The following TENM2 variants were observed in gnomAD, a reference collection of about 807,000 sequenced individuals.
TENM2 encodes teneurin-2.
TENM2 carries 52 observed loss-of-function variants against 245.2 expected under a neutral mutation model. The ratio of observed to expected loss-of-function variants is 0.21; its 90% CI spans 0.17 to 0.27. The LOEUF (loss-of-function observed/expected upper bound fraction) is 0.27. Among genes scored for constraint, TENM2 ranks in the 10% least tolerant of loss-of-function variants. The pLI is 1.00. For synonymous variants in TENM2, 1,363 were observed against 1,438.9 expected, an observed-to-expected ratio of 0.95 and a Z score of 1.19; for missense variants, 3,046 against 3,666.8, an observed-to-expected ratio of 0.83 and a Z score of 4.37.
chr5:167,861,816 C>A (rs1321441657), intron 2 of TENM2, among the ~76,000 whole-genome samples: 2 of 152,224 alleles, frequency 1.3e-5, no homozygotes, highest in Admixed American at 6.5e-5. Flanking sequence ...CAGTCAGAAG[C>A]AAAGCAGGCC....
At chr5:167,711,911 C>G (rs1017908014) in intron 2 of TENM2, among the ~76,000 whole-genome samples, 1 of 152,200 alleles carries the variant, frequency 6.6e-6, no homozygotes, top group Non-Finnish European at 1.5e-5. Context: ...ACCAACTGAA[C>G]CTTGATCTAT....
chr5:167,508,393 C>T (rs1314005150), intron 2 of TENM2, among the ~76,000 whole-genome samples: 5 of 152,188 alleles, frequency 3.3e-5, no homozygotes, highest in Non-Finnish European at 5.9e-5. Flanking sequence ...CGCCACAGTC[C>T]TGTGATTGAA....
exon 10 of TENM2, chr5:168,118,421 A>T (rs748744244): frequency 6.2e-7 from 1 of 1,611,012 alleles, no homozygotes; most frequent in Non-Finnish European, 8.5e-7. Context: ...TGCGGGGGCC[A>T]CGGCTCCTGC....
At chr5:167,327,807 C>T (rs1406536795) in intron 1 of TENM2, among the ~76,000 whole-genome samples, 1 of 152,140 alleles carries the variant, frequency 6.6e-6, no homozygotes, top group Non-Finnish European at 1.5e-5. Context: ...TAGAGTATTG[C>T]AGGTCATGAG....
chr5:167,362,033 G>T (rs1561894289), intron 1 of TENM2, among the ~76,000 whole-genome samples: 1 of 152,040 alleles, frequency 6.6e-6, no homozygotes, highest in East Asian at 1.9e-4. Flanking sequence ...ACTCCTTTTT[G>T]ACTTTGGCTG....
At chr5:167,374,238 C>A (rs564403541) in intron 1 of TENM2, among the ~76,000 whole-genome samples, 1 of 152,268 alleles carries the variant, frequency 6.6e-6, no homozygotes, top group South Asian at 2.1e-4. Context: ...TACAAAGATA[C>A]TTGCCACTAT....
intron 7 of TENM2, among the ~76,000 whole-genome samples, chr5:168,072,886 C>A (rs1267586737): frequency 6.6e-6 from 1 of 152,144 alleles, no homozygotes; most frequent in East Asian, 1.9e-4. Context: ...AGGATGCTGG[C>A]CGACACCAAT....
At chr5:167,650,471 C>A (rs940276272) in intron 2 of TENM2, among the ~76,000 whole-genome samples, 7 of 152,102 alleles carry the variant, frequency 4.6e-5, no homozygotes, top group African/African-American at 7.2e-5. Context: ...TGCTGATCTA[C>A]CTTTGAAAGG....
intron 2 of TENM2, among the ~76,000 whole-genome samples, chr5:167,824,952 A>G (rs1767837356): frequency 2.0e-5 from 3 of 152,116 alleles, no homozygotes; most frequent in Admixed American, 2.0e-4. Flanking sequence ...TGCAAAGGGA[A>G]CTCACCCTAC....
intron 2 of TENM2, among the ~76,000 whole-genome samples, chr5:167,746,381 A>G (rs1761560728): frequency 6.6e-6 from 1 of 152,164 alleles, no homozygotes; most frequent in African/African-American, 2.4e-5. Context: ...CAATTTTGAC[A>G]TGGATACATA....
the TENM2 span, among the ~76,000 whole-genome samples, chr5:167,191,254 C>A: frequency 1.3e-5 from 2 of 151,870 alleles, no homozygotes; most frequent in Non-Finnish European, 2.9e-5. Flanking sequence ...ATATGTTATC[C>A]ACAAAATAAT....
the TENM2 span, among the ~76,000 whole-genome samples, chr5:167,157,768 G>A: frequency 3.5e-4 from 54 of 152,130 alleles, no homozygotes; most frequent in Non-Finnish European, 3.1e-4. Flanking sequence ...TATAATCCAC[G>A]TTAAAAGTTT....
intron 2 of TENM2, among the ~76,000 whole-genome samples, chr5:167,747,305 GC>G (rs1407609245): frequency 6.6e-6 from 1 of 152,118 alleles, no homozygotes; most frequent in Non-Finnish European, 1.5e-5. Context: ...TAAATGGAAA[GC>G]CCTTCCTTCT....
At chr5:167,405,345 G>C (rs1232141300) in intron 2 of TENM2, among the ~76,000 whole-genome samples, 3 of 151,932 alleles carry the variant, frequency 2.0e-5, no homozygotes, top group East Asian at 1.9e-4. Context: ...TAAGCAATGG[G>C]GCTCTGGTCA....
At chr5:166,991,674 T>C in the TENM2 span, among the ~76,000 whole-genome samples, 1 of 152,198 alleles carries the variant, frequency 6.6e-6, no homozygotes, top group Non-Finnish European at 1.5e-5. Context: ...AATGTTCATA[T>C]AGCCCAGTGA....
intron 2 of TENM2, among the ~76,000 whole-genome samples, chr5:167,680,234 C>T (rs1339906300): frequency 2.0e-5 from 3 of 150,748 alleles, no homozygotes; most frequent in African/African-American, 4.9e-5. Flanking sequence ...TGTCTTTATA[C>T]GATTATGGAC....
chr5:167,173,322 T>TA, the TENM2 span, among the ~76,000 whole-genome samples: 1 of 152,230 alleles, frequency 6.6e-6, no homozygotes, highest in African/African-American at 2.4e-5. Flanking sequence ...TCTGCTTTAC[T>TA]ACTGTCAATA....
chr5:167,383,764 G>A (rs1193997412), intron 2 of TENM2, among the ~76,000 whole-genome samples: 1 of 144,040 alleles, frequency 6.9e-6, no homozygotes, highest in East Asian at 2.1e-4. Context: ...CCGTATAAAT[G>A]TACCTTCATT....
intron 2 of TENM2, among the ~76,000 whole-genome samples, chr5:167,872,536 GAA>G (rs1174414829): frequency 6.5e-4 from 33 of 50,690 alleles, no homozygotes; most frequent in African/African-American, 8.8e-4. Context: ...AAGAAAGAAA[GAA>G]AGAAAGAAAG....
Sources: gnomAD v4.1 joint callset for allele counts (sites outside exome capture counted in the v4.1 genomes callset) on GRCh38, gnomAD v4.1.1 for gene constraint, MANE v1.5 for transcripts, NCBI Gene and HGNC (gene_info 2026-07-23, HGNC 2026-07-21) for gene names.